ANKS1B: variants seen among roughly 807,000 people sequenced by gnomAD.
ANKS1B encodes ankyrin repeat and sterile alpha motif domain-containing protein 1B.
ANKS1B carries 36 observed loss-of-function variants against 148.3 expected under a neutral mutation model. That is an observed-to-expected ratio of 0.24 (90% CI 0.19 to 0.32). ANKS1B has a LOEUF of 0.32. Among genes scored for constraint, ANKS1B ranks in the 10% least tolerant of loss-of-function variants. The pLI is 1.00. For synonymous variants in ANKS1B, 542 were observed against 560.8 expected (o/e 0.97, Z 0.47); for missense variants, 1,157 against 1,542.6 (o/e 0.75, Z 4.19).
At chr12:99,308,881 A>G (rs2082723797) in intron 12 of ANKS1B, among the ~76,000 whole-genome samples, 1 of 149,642 alleles carries the variant, frequency 6.7e-6, no homozygotes, top group Non-Finnish European at 1.5e-5. Context: ...TAGGAAGAAT[A>G]CTATATTTGT....
chr12:99,494,125 C>T (rs1263193322), intron 10 of ANKS1B, among the ~76,000 whole-genome samples: 1 of 152,076 alleles, frequency 6.6e-6, no homozygotes, highest in Non-Finnish European at 1.5e-5. Flanking sequence ...ATGGAGGTGT[C>T]GCCAACCTGT....
intron 17 of ANKS1B, among the ~76,000 whole-genome samples, chr12:98,978,195 T>A (rs931606935): frequency 6.6e-6 from 1 of 152,204 alleles, no homozygotes; most frequent in African/African-American, 2.4e-5. Flanking sequence ...TCTATTACCT[T>A]GCTACTTGTT....
intron 15 of ANKS1B, among the ~76,000 whole-genome samples, chr12:99,101,481 C>T (rs1199426756): frequency 5.9e-5 from 9 of 152,158 alleles, no homozygotes; most frequent in Admixed American, 2.6e-4. Context: ...TAACTGTCAG[C>T]GCTCTTGTTT....
chr12:99,327,250 T>C (rs2086562065), intron 12 of ANKS1B, among the ~76,000 whole-genome samples: 1 of 111,294 alleles, frequency 9.0e-6, no homozygotes, highest in Non-Finnish European at 1.7e-5. Flanking sequence ...TATAATTTAT[T>C]ATAATTATAT....
At chr12:99,883,105 G>A (rs1167831241) in intron 1 of ANKS1B, among the ~76,000 whole-genome samples, 1 of 152,060 alleles carries the variant, frequency 6.6e-6, no homozygotes, top group African/African-American at 2.4e-5. Flanking sequence ...TAAATTTCTG[G>A]GTAAATATAA....
At chr12:99,501,163 C>A (rs1291712134) in intron 10 of ANKS1B, among the ~76,000 whole-genome samples, 2 of 151,984 alleles carry the variant, frequency 1.3e-5, no homozygotes, top group Non-Finnish European at 2.9e-5. Flanking sequence ...TTCAGGCTCA[C>A]TTTTTCTTTA....
rs2075793927 is a variant in ANKS1B, at chr12:99,154,756, A to G, written c.2420-361T>C. Reference sequence around the variant, plus strand: ...TATGTGATTGTTGGAGTACTCCACAATGAGCAATGCACGGCCGGCAGCCAG... The same window carrying G: ...TATGTGATTGTTGGAGTACTCCACAGTGAGCAATGCACGGCCGGCAGCCAG... On this transcript the variant is annotated intron_variant, in intron 14 of 26. Coordinates refer to ENST00000683438, the MANE Select transcript of ANKS1B (RefSeq NM_001352186.2). 3.5e-6 allele frequency: 5 copies of G among 1,443,464 alleles called. No homozygotes were observed. The South Asian group carries it at 5.9e-5, about 17-fold the overall frequency. 89.4% of individuals were successfully genotyped at this position (1,443,464 alleles called of 1,614,324 possible). A position where few individuals can be genotyped will look rare whatever the true frequency, so the allele number is the denominator to read the frequency against.
intron 6 of ANKS1B, among the ~76,000 whole-genome samples, chr12:99,779,034 G>A (rs1190183281): frequency 6.6e-6 from 1 of 152,214 alleles, no homozygotes; most frequent in Non-Finnish European, 1.5e-5. Flanking sequence ...CTAAAGGAGA[G>A]AAAAACATCT....
chr12:99,586,982 C>G (rs1413770277), intron 9 of ANKS1B, among the ~76,000 whole-genome samples: 2 of 151,956 alleles, frequency 1.3e-5, no homozygotes, highest in African/African-American at 2.4e-5. Context: ...AGAACCAAAC[C>G]ATACACAAAA....
At chr12:98,931,588 T>A (rs1341668855) in intron 17 of ANKS1B, 2 of 152,212 alleles carry the variant, frequency 1.3e-5, no homozygotes, top group African/African-American at 4.8e-5. Context: ...ACTCTTTTTA[T>A]ATTGATGTCC....
intron 9 of ANKS1B, among the ~76,000 whole-genome samples, chr12:99,538,663 C>T (rs769488648): frequency 1.3e-5 from 2 of 151,964 alleles, no homozygotes; most frequent in Non-Finnish European, 2.9e-5. Flanking sequence ...TTAGGTTTTT[C>T]TAAAATCATA....
At chr12:99,215,250 T>G (rs1270433900) in intron 14 of ANKS1B, among the ~76,000 whole-genome samples, 1 of 152,138 alleles carries the variant, frequency 6.6e-6, no homozygotes, top group African/African-American at 2.4e-5. Flanking sequence ...TTCAGAGGAT[T>G]TACGGAAATA....
chr12:99,858,236 G>C (rs1282667462), intron 1 of ANKS1B, among the ~76,000 whole-genome samples: 1 of 152,058 alleles, frequency 6.6e-6, no homozygotes. Context: ...GACATAAACA[G>C]ACAATTCTCA....
chr12:99,438,553 C>G (rs1167590875), intron 11 of ANKS1B, among the ~76,000 whole-genome samples: 4 of 151,886 alleles, frequency 2.6e-5, no homozygotes, highest in Admixed American at 6.6e-5. Context: ...ATCAACAAGG[C>G]TCAAATCATT....
intron 1 of ANKS1B, among the ~76,000 whole-genome samples, chr12:99,963,071 C>A (rs949303698): frequency 5.9e-5 from 9 of 152,142 alleles, no homozygotes; most frequent in African/African-American, 2.2e-4. Flanking sequence ...CCTCGGCCTC[C>A]CAAAGTGCTG....
rs2073887384 is a variant in ANKS1B at position 99,246,391 on chromosome 12, C to T, written c.2230G>A (p.Ala744Thr). Residue 744 changes from alanine to threonine, a missense_variant, in exon 13 of 27, where the codon GCC becomes ACC. By Grantham distance (58) the Ala-to-Thr change is moderately conservative. Around this residue, in one of 6 missense-constraint regions of ANKS1B, gnomAD observed 661 missense variants for 642.1 expected, o/e 1.03. Coordinates refer to ENST00000683438, the MANE Select transcript of ANKS1B (RefSeq NM_001352186.2). ...GATGTTTTCTCATTGGAAGGATAGG[C>T]AATGAGATCAGAATCAGATTTAGAG... ...SVSKSDSDLI[A>T]YPSNEKTSRV... is the part of the protein sequence containing the mutation. 6.2e-7 allele frequency: 1 copy of T among 1,613,722 alleles called. No individual in the cohort carries two copies. Among genetic ancestry groups the T allele is most frequent in the Non-Finnish European group, 8.5e-7 (1 of 1,179,856 alleles).
At chr12:99,544,034 A>G (rs888876118) in intron 9 of ANKS1B, among the ~76,000 whole-genome samples, 1 of 152,210 alleles carries the variant, frequency 6.6e-6, no homozygotes, top group Non-Finnish European at 1.5e-5. Flanking sequence ...TATGTTTCAC[A>G]AAATATATAG....
At chr12:99,975,222 G>T (rs1469738254) in intron 1 of ANKS1B, among the ~76,000 whole-genome samples, 1 of 152,152 alleles carries the variant, frequency 6.6e-6, no homozygotes, top group African/African-American at 2.4e-5. Flanking sequence ...CACTCCATTT[G>T]TTCTGCCAGA....
At chr12:99,509,100 G>A (rs1306084022) in intron 9 of ANKS1B, among the ~76,000 whole-genome samples, 1 of 151,838 alleles carries the variant, frequency 6.6e-6, no homozygotes, top group African/African-American at 2.4e-5. Context: ...ATATAAAACA[G>A]TGAACTTAAT....
Sources: allele counts gnomAD v4.1 joint callset (sites outside exome capture counted in the v4.1 genomes callset), GRCh38; gene constraint gnomAD v4.1.1; regional missense constraint gnomAD v4.1.1; transcripts MANE v1.5; gene names NCBI Gene and HGNC (gene_info 2026-07-23, HGNC 2026-07-21).